R3HCC1L: variants seen among roughly 807,000 people sequenced by gnomAD.
R3HCC1L encodes the protein R3H domain and coiled-coil containing 1 like.
R3HCC1L carries 51 observed loss-of-function variants against 59.9 expected under a neutral mutation model. The ratio of observed to expected loss-of-function variants is 0.85; its 90% CI spans 0.68 to 1.07. R3HCC1L has a LOEUF of 1.07. Among genes scored for constraint, R3HCC1L ranks in the 50% least tolerant of loss-of-function variants. The pLI is 0.00. For synonymous variants in R3HCC1L, 322 were observed against 315.2 expected (o/e 1.02, Z -0.23); for missense variants, 965 against 933.0 (o/e 1.03, Z -0.45).
intron 4 of R3HCC1L, among the ~76,000 whole-genome samples, chr10:98,174,271 A>C (rs985382918): frequency 2.6e-5 from 4 of 152,198 alleles, no homozygotes; most frequent in African/African-American, 9.7e-5. Context: ...GGAGATACGA[A>C]GATGAATTGG....
chr10:98,183,155 C>T (rs1010449982), intron 4 of R3HCC1L, among the ~76,000 whole-genome samples: 1 of 152,174 alleles, frequency 6.6e-6, no homozygotes, highest in African/African-American at 2.4e-5. Context: ...GGAGCTGTTC[C>T]TATTCGGCCG....
At chr10:98,202,866 A>T (rs1035014443) in intron 4 of R3HCC1L, among the ~76,000 whole-genome samples, 3 of 151,726 alleles carry the variant, frequency 2.0e-5, no homozygotes, top group African/African-American at 7.3e-5. Context: ...AGGAAAAAAA[A>T]AAAAAATAGA....
In R3HCC1L at chr10:98,209,328, C is replaced by G. The variant is rs139830947; in HGVS notation, c.1214C>G (p.Thr405Ser). Residue 405 changes from threonine to serine, a missense_variant, in exon 5 of 10, where the codon ACC becomes AGC. Thr to Ser is a moderately conservative substitution (Grantham distance 58). Coordinates refer to ENST00000298999, the MANE Select transcript of R3HCC1L (RefSeq NM_001351015.2). ...YVVAVRIADETSINTRSFSKF... is the reference protein window; with the variant it reads ...YVVAVRIADESSINTRSFSKF... ...GTTGCAGTTAGAATAGCTGATGAGA[C>G]CTCTATTAATACACGAAGTTTCTCA... 234 of 1,613,780 alleles carry G rather than the reference C, an allele frequency of 1.5e-4. No homozygotes were observed. The highest frequency in any genetic ancestry group is 1.9e-4 in the Non-Finnish European group (224 of 1,179,942).
intron 1 of R3HCC1L, among the ~76,000 whole-genome samples, chr10:98,144,325 C>T (rs1845449334): frequency 5.3e-5 from 8 of 152,056 alleles, no homozygotes. Context: ...AAGCAATTCT[C>T]CTGCCTCAGC....
Position 98,236,124 on chromosome 10 carries a change from C to T in R3HCC1L, c.2229C>T (p.Thr743=), listed in dbSNP as rs144632612. 1.4e-4 allele frequency: 221 copies of T among 1,613,820 alleles called. 1 individual carries two copies. The African/African-American group carries it at 2.3e-3, about 17-fold the overall frequency. ...GGGTTCGAAGTAAGCAGAGCAAAAC[C>T]GAACGAGAAGCAGAGCTCAAGAAAC... ...ALGVRSKQSK[T]EREAELKKLQ... is the part of the protein sequence containing the mutation. The change falls in exon 9 of 10, where the codon ACC becomes ACT. Residue 743 remains threonine (T), a synonymous_variant. Coordinates refer to ENST00000298999, the MANE Select transcript of R3HCC1L (RefSeq NM_001351015.2).
chr10:98,208,722 T>C lies in R3HCC1L; in HGVS notation c.608T>C (p.Leu203Ser), dbSNP rs759871494. The C allele has an allele frequency of 6.2e-7, 1 of 1,614,128 alleles. No homozygotes were observed. Among genetic ancestry groups the C allele is most frequent in the Admixed American group, 1.7e-5 (1 of 60,000 alleles). The change falls in exon 5 of 10, where the codon TTG (leucine) becomes TCG (serine). Residue 203 changes from leucine (L) to serine (S), a missense_variant. By Grantham distance (145) the Leu-to-Ser change is moderately radical. Coordinates refer to ENST00000298999, the MANE Select transcript of R3HCC1L (RefSeq NM_001351015.2). ...PDGEAFEDKD[L>S]EGRIETDTKV... ...GGGGAAGCATTTGAAGACAAAGATT[T>C]GGAAGGCAGAATTGAAACTGATACC...
At chr10:98,142,341 C>CT (rs1463419301) in intron 1 of R3HCC1L, among the ~76,000 whole-genome samples, 6 of 152,124 alleles carry the variant, frequency 3.9e-5, no homozygotes, top group South Asian at 2.1e-4. Context: ...TCATTTCTTT[C>CT]TTTTTTTCTC....
intron 2 of R3HCC1L, among the ~76,000 whole-genome samples, chr10:98,159,541 T>G (rs1281341576): frequency 6.6e-6 from 1 of 152,240 alleles, no homozygotes; most frequent in Non-Finnish European, 1.5e-5. Context: ...TGTAAACATC[T>G]TGTTACTCCT....
intron 4 of R3HCC1L, among the ~76,000 whole-genome samples, chr10:98,181,905 T>A (rs1408101675): frequency 1.3e-5 from 2 of 152,156 alleles, no homozygotes; most frequent in Non-Finnish European, 2.9e-5. Flanking sequence ...TCTAGTTACA[T>A]TTATCTAATC....
At chr10:98,168,732 G>A (rs1340214828) in intron 4 of R3HCC1L, among the ~76,000 whole-genome samples, 1 of 152,196 alleles carries the variant, frequency 6.6e-6, no homozygotes, top group Non-Finnish European at 1.5e-5. Flanking sequence ...ACCATCTGCA[G>A]TTGGTATTTG....
chr10:98,204,369 C>T (rs543642258), intron 4 of R3HCC1L, among the ~76,000 whole-genome samples: 14 of 152,126 alleles, frequency 9.2e-5, no homozygotes, highest in Non-Finnish European at 1.9e-4. Flanking sequence ...CGTGCCATTG[C>T]ACTCCACCCT....
intron 1 of R3HCC1L, among the ~76,000 whole-genome samples, chr10:98,144,429 T>C (rs2133911885): frequency 6.6e-6 from 1 of 152,258 alleles, no homozygotes; most frequent in South Asian, 2.1e-4. Context: ...TTGGCCAGGC[T>C]GGTCTCAAAC....
chr10:98,153,056 C>A (rs1846423489), intron 1 of R3HCC1L, among the ~76,000 whole-genome samples: 3 of 152,192 alleles, frequency 2.0e-5, no homozygotes, highest in Admixed American at 2.0e-4. Flanking sequence ...TGCCCGGCCG[C>A]CCCTTCTGGG....
intron 1 of R3HCC1L, among the ~76,000 whole-genome samples, chr10:98,155,203 A>G (rs951835171): frequency 2.0e-5 from 3 of 152,162 alleles, no homozygotes; most frequent in East Asian, 1.9e-4. Context: ...TGTTAATTAT[A>G]CTTCCTAAAA....
chr10:98,239,115 T>A (rs1167293331), intron 9 of R3HCC1L, among the ~76,000 whole-genome samples: 2 of 152,222 alleles, frequency 1.3e-5, no homozygotes, highest in Non-Finnish European at 2.9e-5. Flanking sequence ...TCAGCCTACC[T>A]AATCATGGAG....
intron 1 of R3HCC1L, among the ~76,000 whole-genome samples, chr10:98,134,971 G>C (rs376942965): frequency 2.0e-5 from 3 of 152,262 alleles, no homozygotes; most frequent in Admixed American, 1.3e-4. Context: ...CGCTTTGGGC[G>C]CTCGCCCCAA....
At chr10:98,223,104 A>G (rs915526730) in intron 5 of R3HCC1L, among the ~76,000 whole-genome samples, 2 of 152,170 alleles carry the variant, frequency 1.3e-5, no homozygotes, top group Non-Finnish European at 2.9e-5. Context: ...GAATTCTACC[A>G]GAGGTACAAG....
intron 1 of R3HCC1L, among the ~76,000 whole-genome samples, chr10:98,148,373 G>C (rs1009138347): frequency 6.6e-6 from 1 of 152,036 alleles, no homozygotes; most frequent in African/African-American, 2.4e-5. Flanking sequence ...TTGGTGCCCT[G>C]TATTTCTTTC....
intron 4 of R3HCC1L, among the ~76,000 whole-genome samples, chr10:98,206,360 T>C (rs1852662941): frequency 6.6e-6 from 1 of 151,768 alleles, no homozygotes; most frequent in Admixed American, 6.6e-5. Flanking sequence ...AAAGAGATCC[T>C]TGTATTTACT....
Sources: gnomAD v4.1 joint callset for allele counts (sites outside exome capture counted in the v4.1 genomes callset) on GRCh38, gnomAD v4.1.1 for gene constraint, MANE v1.5 for transcripts, NCBI Gene and HGNC (gene_info 2026-07-23, HGNC 2026-07-21) for gene names.